Variants in NAV3 observed in about 807,000 individuals in gnomAD.
The protein encoded by NAV3 is neuron navigator 3.
A neutral mutation model predicts 244.7 loss-of-function variants in NAV3; 87 were observed. The ratio of observed to expected loss-of-function variants is 0.36; its 90% CI spans 0.30 to 0.42. NAV3 has a LOEUF of 0.42. Ranked by LOEUF, NAV3 falls within the 20% of genes least tolerant of loss-of-function variation. The pLI is 1.00. For missense variants in NAV3, 2,663 were observed against 2,893.3 expected, an observed-to-expected ratio of 0.92 and a Z score of 1.83; for synonymous variants, 1,126 against 1,042.2, an observed-to-expected ratio of 1.08 and a Z score of -1.55.
At chr12:77,962,760 A>G (rs771730178) in intron 3 of NAV3, among the ~76,000 whole-genome samples, 1 of 152,176 alleles carries the variant, frequency 6.6e-6, no homozygotes, top group Admixed American at 6.5e-5. Flanking sequence ...ATTTTAAGCA[A>G]CATCTAAATA....
At chr12:78,112,926 T>G (rs1955175383) in intron 12 of NAV3, among the ~76,000 whole-genome samples, 1 of 152,178 alleles carries the variant, frequency 6.6e-6, no homozygotes, top group Admixed American at 6.5e-5. Flanking sequence ...ACTTCCTAGA[T>G]ACAATAGGGT....
intron 23 of NAV3, among the ~76,000 whole-genome samples, chr12:78,167,277 G>A (rs1042062589): frequency 3.3e-5 from 5 of 151,640 alleles, no homozygotes; most frequent in East Asian, 3.9e-4. Context: ...AAATATAGTC[G>A]AAATGAATTG....
At position 78,008,348 on chromosome 12, in the gene NAV3, C is replaced by T. The variant is rs565466316; in HGVS notation, c.1907+903C>T. 4.6e-5 allele frequency among the ~76,000 whole-genome samples: 7 copies of T among 152,032 alleles called. No homozygotes were observed. In the East Asian group the frequency reaches 1.4e-3, roughly 30 times the overall value. Reference sequence around the variant, plus strand: ...CATTTTAAAATATGCATCCTACCATCCAAATGGTAAAGACAACACTTTGCT... The same window carrying T: ...CATTTTAAAATATGCATCCTACCATTCAAATGGTAAAGACAACACTTTGCT... On this transcript the variant is annotated intron_variant, in intron 8 of 39. Transcript: ENST00000397909.
At chr12:77,625,506 C>T (rs1050985577) in intron 2 of NAV3, among the ~76,000 whole-genome samples, 3 of 152,124 alleles carry the variant, frequency 2.0e-5, no homozygotes, top group African/African-American at 7.2e-5. Context: ...TCTTATTATA[C>T]TCGTGAAATG....
chr12:78,028,857 A>G (rs1418550053), intron 9 of NAV3, among the ~76,000 whole-genome samples: 5 of 152,232 alleles, frequency 3.3e-5, no homozygotes, highest in Non-Finnish European at 7.3e-5. Context: ...TTTCCCCGAA[A>G]TGTGACTTGT....
chr12:78,070,067 C>T (rs917461619), intron 12 of NAV3, among the ~76,000 whole-genome samples: 12 of 152,116 alleles, frequency 7.9e-5, no homozygotes, highest in Non-Finnish European at 1.0e-4. Context: ...TTTTACAGAA[C>T]AAAACTCTAT....
At chr12:78,169,835 G>T (rs1438899676) in intron 24 of NAV3, among the ~76,000 whole-genome samples, 3 of 151,660 alleles carry the variant, frequency 2.0e-5, no homozygotes, top group African/African-American at 7.3e-5. Flanking sequence ...ATTTGATGCT[G>T]ATATTCATTT....
At chr12:77,797,736 G>A (rs986363475) in intron 2 of NAV3, among the ~76,000 whole-genome samples, 2 of 151,480 alleles carry the variant, frequency 1.3e-5, no homozygotes, top group Non-Finnish European at 2.9e-5. Flanking sequence ...AGCCACTCAA[G>A]AGACTGAGGG....
intron 1 of NAV3, among the ~76,000 whole-genome samples, chr12:77,842,712 T>C (rs1875894725): frequency 6.6e-6 from 1 of 151,920 alleles, no homozygotes; most frequent in South Asian, 2.1e-4. Context: ...ACTGGAAAAC[T>C]CAGCATCAAA....
intron 22 of NAV3, 24 bp downstream of exon 22, chr12:78,148,943 A>G: frequency 6.4e-7 from 1 of 1,562,416 alleles, no homozygotes; most frequent in Non-Finnish European, 8.8e-7. Flanking sequence ...TTTTTAAAAT[A>G]TATTACAACA....
chr12:77,804,903 T>C (rs1296847747), intron 2 of NAV3, among the ~76,000 whole-genome samples: 2 of 152,140 alleles, frequency 1.3e-5, no homozygotes, highest in Non-Finnish European at 2.9e-5. Context: ...TTGTAAGTTA[T>C]ATTCCTAGGT....
intron 2 of NAV3, among the ~76,000 whole-genome samples, chr12:77,630,345 A>G (rs1489192363): frequency 2.6e-5 from 4 of 152,146 alleles, no homozygotes; most frequent in Non-Finnish European, 5.9e-5. Context: ...TAGATTAGCA[A>G]ATTATTACTT....
intron 2 of NAV3, among the ~76,000 whole-genome samples, chr12:77,778,195 C>G (rs1592674529): frequency 7.5e-6 from 1 of 132,492 alleles, no homozygotes; most frequent in African/African-American, 2.8e-5. Flanking sequence ...CCTCTCCTCT[C>G]CCCTCCTCTC....
At chr12:77,842,161 A>G (rs924538246) in intron 1 of NAV3, among the ~76,000 whole-genome samples, 2 of 152,216 alleles carry the variant, frequency 1.3e-5, no homozygotes, top group African/African-American at 4.8e-5. Context: ...AACACTGAAT[A>G]AGAGAAGAAC....
chr12:77,804,271 T>C lies in NAV3; in HGVS notation c.73-136048T>C, dbSNP rs150603132. ...TGCCTAGGTTTTCTTCTAGGGTTTT[T>C]ATCGTTTTAGGTCTTATGTTTAAGT... is the stretch of plus-strand genomic sequence containing the variant. On this transcript the variant is annotated intron_variant, in intron 2 of 8. Transcript: ENST00000550042. Among the ~76,000 whole-genome samples, 15 of 152,352 alleles carry C rather than the reference T, an allele frequency of 9.8e-5. No homozygotes were observed. The East Asian group carries it at 2.9e-3, about 29-fold the overall frequency.
rs111812825 is a variant in NAV3 at position 77,745,809 on chromosome 12, C to T, written c.72+173543C>T. The stretch of plus-strand genomic sequence containing the variant: ...ATGACTTTGTAACCCTCTGGTAGTC[C>T]TTGACAGAGAGGGACAAAGAAGAAT... On this transcript the variant is annotated intron_variant, in intron 2 of 8. Transcript: ENST00000550042. Among the ~76,000 whole-genome samples the T allele has an allele frequency of 1.7e-3, 263 of 151,842 alleles. 1 individual carries two copies. Among genetic ancestry groups the T allele is most frequent in the African/African-American group, 6.2e-3 (255 of 41,438 alleles).
intron 2 of NAV3, among the ~76,000 whole-genome samples, chr12:77,715,227 C>A (rs966929722): frequency 9.9e-5 from 15 of 151,598 alleles, no homozygotes; most frequent in African/African-American, 3.1e-4. Context: ...TAAAATGGAC[C>A]CAATCTTTAG....
intron 12 of NAV3, among the ~76,000 whole-genome samples, chr12:78,060,133 C>A (rs1566076848): frequency 6.6e-6 from 1 of 152,036 alleles, no homozygotes; most frequent in African/African-American, 2.4e-5. Context: ...AGAATTTTGA[C>A]TTTGTTGAGC....
chr12:77,607,685 CT>C (rs1206526056), intron 2 of NAV3, among the ~76,000 whole-genome samples: 2 of 152,016 alleles, frequency 1.3e-5, no homozygotes, highest in Admixed American at 6.6e-5. Context: ...CAATTGCAAC[CT>C]TATTTTCTTC....
Sources: gnomAD v4.1 joint callset for allele counts (sites outside exome capture counted in the v4.1 genomes callset) on GRCh38, gnomAD v4.1.1 for gene constraint, MANE v1.5 for transcripts, NCBI Gene and HGNC (gene_info 2026-07-23, HGNC 2026-07-21) for gene names.